EBF1: variants seen among roughly 807,000 people sequenced by gnomAD.
EBF1 encodes EBF transcription factor 1.
In EBF1, 10 loss-of-function variants were observed where a neutral mutation model predicts 68.4. The ratio of observed to expected loss-of-function variants is 0.15; its 90% confidence interval spans 0.09 to 0.25. The LOEUF (loss-of-function observed/expected upper bound fraction) is 0.25. Ranked by LOEUF, EBF1 falls within the 10% of genes least tolerant of loss-of-function variation. EBF1 has a pLI of 1.00. For synonymous variants in EBF1, 298 were observed against 299.8 expected, an observed-to-expected ratio of 0.99 and a Z score of 0.06; for missense variants, 509 against 794.4, an observed-to-expected ratio of 0.64 and a Z score of 4.32.
chr5:159,096,929 C>G (rs758818573), intron 2 of EBF1, 45 bp downstream of exon 2: 5 of 1,601,750 alleles, frequency 3.1e-6, no homozygotes, highest in South Asian at 2.2e-5. Flanking sequence ...GGCCTGCTCC[C>G]GAGCCGAGCC....
intron 10 of EBF1, among the ~76,000 whole-genome samples, chr5:158,766,069 T>C (rs1772600439): frequency 6.6e-6 from 1 of 152,190 alleles, no homozygotes; most frequent in African/African-American, 2.4e-5. Context: ...TCATAATCAA[T>C]GGTGGTTTAG....
intron 10 of EBF1, among the ~76,000 whole-genome samples, chr5:158,763,197 G>A (rs921656665): frequency 6.6e-6 from 1 of 152,186 alleles, no homozygotes; most frequent in Non-Finnish European, 1.5e-5. Flanking sequence ...CAGACATTTT[G>A]TGGCCAAGAG....
In EBF1 at chr5:158,982,648, G is replaced by A. The variant is rs145119271; in HGVS notation, c.554+90748C>T. Among the ~76,000 whole-genome samples, 66 of 151,776 alleles carry A rather than the reference G, an allele frequency of 4.3e-4. 1 individual carries two copies. The highest frequency in any genetic ancestry group is 1.3e-3 in the African/African-American group (52 of 41,284). On this transcript the variant is annotated intron_variant, in intron 6 of 15. Transcript: ENST00000313708. ...CAGTCTAATTCTTTTTGCTTTACAC[G>A]GTACTTAAATTTTTCCATCACAAGT...
At chr5:158,735,695 G>A (rs998559836) in intron 10 of EBF1, among the ~76,000 whole-genome samples, 1 of 152,130 alleles carries the variant, frequency 6.6e-6, no homozygotes, top group South Asian at 2.1e-4. Context: ...TGAAAAAAAA[G>A]TTAATGAAAT....
chr5:158,735,878 C>G (rs529266289), intron 10 of EBF1, among the ~76,000 whole-genome samples: 2 of 152,202 alleles, frequency 1.3e-5, no homozygotes, highest in South Asian at 2.1e-4. Context: ...AGGTGGTGGT[C>G]AAGACAGAAC....
At chr5:158,956,782 G>A (rs547058536) in intron 6 of EBF1, among the ~76,000 whole-genome samples, 29 of 116,184 alleles carry the variant, frequency 2.5e-4, no homozygotes, top group South Asian at 2.7e-4. Context: ...TTTTTGAGAT[G>A]GAGTCTCGCT....
chr5:158,809,801 T>C (rs1782297229), intron 8 of EBF1, among the ~76,000 whole-genome samples: 1 of 152,180 alleles, frequency 6.6e-6, no homozygotes, highest in African/African-American at 2.4e-5. Flanking sequence ...ATGAGAAACA[T>C]TTTTAAAGTA....
At chr5:159,048,171 T>C (rs1772814841) in intron 6 of EBF1, among the ~76,000 whole-genome samples, 1 of 152,094 alleles carries the variant, frequency 6.6e-6, no homozygotes, top group African/African-American at 2.4e-5. Context: ...GTATATGAAT[T>C]TGTGCACTTC....
chr5:158,929,446 A>C (rs1810379982), intron 6 of EBF1, among the ~76,000 whole-genome samples: 1 of 152,214 alleles, frequency 6.6e-6, no homozygotes, highest in Non-Finnish European at 1.5e-5. Context: ...CCCTATACGA[A>C]GAAGTCCCTA....
chr5:158,808,083 C>T (rs1364782265), intron 8 of EBF1, among the ~76,000 whole-genome samples: 1 of 152,156 alleles, frequency 6.6e-6, no homozygotes, highest in African/African-American at 2.4e-5. Flanking sequence ...AGTGACACTG[C>T]AATCCAGCGT....
chr5:158,948,667 C>T (rs572855028), intron 6 of EBF1, among the ~76,000 whole-genome samples: 5 of 152,166 alleles, frequency 3.3e-5, no homozygotes, highest in African/African-American at 9.7e-5. Context: ...GGCCGGTCTG[C>T]GCTCTCCCAG....
intron 11 of EBF1, among the ~76,000 whole-genome samples, chr5:158,730,373 G>C (rs781140083): frequency 4.6e-5 from 7 of 152,158 alleles, no homozygotes; most frequent in Non-Finnish European, 1.0e-4. Context: ...TACAGGGATG[G>C]GGATATCCCA....
chr5:158,826,639 G>A (rs930300427), intron 7 of EBF1, among the ~76,000 whole-genome samples: 1 of 152,072 alleles, frequency 6.6e-6, no homozygotes, highest in Non-Finnish European at 1.5e-5. Flanking sequence ...TCTATTAGGG[G>A]GCTTTGCTTC....
intron 11 of EBF1, among the ~76,000 whole-genome samples, chr5:158,728,845 A>G (rs1164699036): frequency 6.6e-6 from 1 of 152,234 alleles, no homozygotes; most frequent in Non-Finnish European, 1.5e-5. Context: ...GATTACCAGC[A>G]TGAGCCACTG....
At chr5:158,873,279 C>A (rs999460607) in intron 6 of EBF1, among the ~76,000 whole-genome samples, 12 of 152,034 alleles carry the variant, frequency 7.9e-5, no homozygotes, top group Non-Finnish European at 1.6e-4. Context: ...CACGTCTTTA[C>A]CCCCACTAGC....
intron 6 of EBF1, among the ~76,000 whole-genome samples, chr5:158,866,229 G>T (rs919079415): frequency 6.6e-6 from 1 of 152,148 alleles, no homozygotes; most frequent in African/African-American, 2.4e-5. Context: ...CTCCTTCAAA[G>T]CCTTCTTGCA....
chr5:158,804,411 A>T (rs1193840794), intron 8 of EBF1, among the ~76,000 whole-genome samples: 1 of 152,140 alleles, frequency 6.6e-6, no homozygotes, highest in Non-Finnish European at 1.5e-5. Context: ...ATCAATGGAC[A>T]TAGCACCTGA....
chr5:159,057,013 C>T (rs1774878970), intron 6 of EBF1, among the ~76,000 whole-genome samples: 1 of 151,704 alleles, frequency 6.6e-6, no homozygotes, highest in South Asian at 2.1e-4. Flanking sequence ...AATATGTGGG[C>T]TTTTAAAAAT....
intron 9 of EBF1, among the ~76,000 whole-genome samples, chr5:158,780,729 A>G (rs1003334166): frequency 5.9e-5 from 9 of 152,196 alleles, no homozygotes; most frequent in African/African-American, 2.2e-4. Flanking sequence ...TATCCCTTTA[A>G]TAAAAATCAT....
Sources: allele counts gnomAD v4.1 joint callset (sites outside exome capture counted in the v4.1 genomes callset), GRCh38; gene constraint gnomAD v4.1.1; transcripts MANE v1.5; gene names NCBI Gene and HGNC (gene_info 2026-07-23, HGNC 2026-07-21).